PALB2: variants seen among roughly 807,000 people sequenced by gnomAD.
PALB2 encodes mutant partner and localizer of BRCA2.
Under a neutral mutation model 107.4 loss-of-function variants are expected in PALB2, and 82 were observed. The ratio of observed to expected loss-of-function variants is 0.76; its 90% CI spans 0.64 to 0.92. PALB2 has a LOEUF of 0.92. Among genes scored for constraint, PALB2 ranks in the 40% least tolerant of loss-of-function variants. The probability of loss-of-function intolerance (pLI) is 0.00; values close to 1 mark genes in which losing one functional copy is unlikely to be tolerated. For synonymous variants in PALB2, 489 were observed against 496.8 expected (o/e 0.98, Z 0.21); for missense variants, 1,374 against 1,379.9 (o/e 1.00, Z 0.07).
At position 23,635,471 on chromosome 16, in the gene PALB2, T is replaced by C; in HGVS notation, c.1075A>G (p.Ser359Gly). The C allele has an allele frequency of 6.2e-7, 1 of 1,614,156 alleles. No individual in the cohort carries two copies. The highest frequency in any genetic ancestry group is 2.2e-5 in the East Asian group (1 of 44,882). ...NQTEKSLKSPSDTLDGRNENL... is the reference protein window; with the variant it reads ...NQTEKSLKSPGDTLDGRNENL... The stretch of plus-strand genomic sequence containing the variant: ...TCATTCCTGCCATCAAGAGTGTCAC[T>C]GGGAGATTTTAAAGATTTCTCTGTT... The change falls in exon 4 of 13, where the codon AGT becomes GGT. Residue 359 changes from serine (S) to glycine (G), a missense_variant. Ser to Gly is a moderately conservative substitution (Grantham distance 56). Coordinates refer to ENST00000261584, the MANE Select transcript of PALB2 (RefSeq NM_024675.4).
chr16:23,635,653 ACAGT>A lies in PALB2; in HGVS notation c.889_892del (p.Thr297SerfsTer8). On this transcript the variant is annotated frameshift_variant, in exon 4 of 13. Transcript: ENST00000261584. LOFTEE classifies it high-confidence loss of function. ...ATTTACAAGGAGGTTATCTGTAGAG[ACAGT>A]CATTTTTTTGCCTTGTGCCTCCAAA... 1 of 1,614,060 alleles carries A rather than the reference ACAGT, an allele frequency of 6.2e-7. No homozygotes were observed. The highest frequency in any genetic ancestry group is 8.5e-7 in the Non-Finnish European group (1 of 1,179,944).
At chr16:23,615,598 C>CCT (rs1567210518) in intron 10 of PALB2, among the ~76,000 whole-genome samples, 1 of 152,158 alleles carries the variant, frequency 6.6e-6, no homozygotes. Flanking sequence ...AGAGACTGCA[C>CCT]CTGGTTCATG....
rs551167676 is a variant in PALB2, at chr16:23,620,302, T to C, written c.3113+1060A>G. Reference sequence around the variant, plus strand: ...AGAATTTAGGGTTCTTTTTTTTATTTTTTGCTCTCTCCTTTTTAGGACTTT... The same window carrying C: ...AGAATTTAGGGTTCTTTTTTTTATTCTTTGCTCTCTCCTTTTTAGGACTTT... On this transcript the variant is annotated intron_variant, in intron 10 of 12. Coordinates refer to ENST00000261584, the MANE Select transcript of PALB2 (RefSeq NM_024675.4). Among the ~76,000 whole-genome samples the C allele has an allele frequency of 2.2e-4, 34 of 152,276 alleles. 1 individual carries two copies. In the South Asian group the frequency reaches 6.6e-3, roughly 30 times the overall value.
rs10525601 is a variant in PALB2 at position 23,608,801 on chromosome 16, T to TACACACACACACAC, written c.3202-803_3202-790dup. On this transcript the variant is annotated intron_variant, in intron 11 of 12. Coordinates refer to ENST00000261584, the MANE Select transcript of PALB2 (RefSeq NM_024675.4). Reference sequence around the variant, plus strand: ...ATATTACTGTATGTGTGTATATATATACACACACACACACACACACACATA... The same window carrying TACACACACACACAC: ...ATATTACTGTATGTGTGTATATATATACACACACACACACACACACACACACACACACACACATA... Among the ~76,000 whole-genome samples the TACACACACACACAC allele has an allele frequency of 5.3e-3, 758 of 143,798 alleles. 10 individuals carry two copies. The highest frequency in any genetic ancestry group is 0.019 in the African/African-American group (718 of 37,922). The allele number at this position is 143,798 out of a possible 152,430, so 94.3% of individuals were successfully genotyped here. A position where few individuals can be genotyped will look rare whatever the true frequency, so the allele number is the denominator to read the frequency against.
intron 12 of PALB2, among the ~76,000 whole-genome samples, chr16:23,604,825 G>T (rs900890962): frequency 6.6e-6 from 1 of 151,890 alleles, no homozygotes; most frequent in Admixed American, 6.6e-5. Flanking sequence ...GGTAATCCCA[G>T]AACTTTGGGA....
rs1555461425 is a variant in PALB2 at position 23,635,377 on chromosome 16, G to A, written c.1169C>T (p.Ser390Phe). 4 of 1,613,876 alleles carry A rather than the reference G, an allele frequency of 2.5e-6. No homozygotes were observed. The highest frequency in any genetic ancestry group is 3.4e-6 in the Non-Finnish European group (4 of 1,180,028). Residue 390 changes from serine (S) to phenylalanine (F), a missense_variant, in exon 4 of 13, where the codon TCT (serine) becomes TTT (phenylalanine). Physicochemically the swap from Ser to Phe is radical, Grantham distance 155. Coordinates refer to ENST00000261584, the MANE Select transcript of PALB2 (RefSeq NM_024675.4). Reference protein sequence around the residue: ...SLSLEATSPLSAEKHSCTVPE... With the variant: ...SLSLEATSPLFAEKHSCTVPE... The stretch of plus-strand genomic sequence containing the variant: ...CACTGTGCAAGAATGTTTTTCTGCA[G>A]AAAGAGGAGAGGTTGCTTCCAGGCT...
chr16:23,626,207 A>T, intron 7 of PALB2, 29 bp downstream of exon 7: 1 of 1,614,018 alleles, frequency 6.2e-7, no homozygotes, highest in Non-Finnish European at 8.5e-7. Flanking sequence ...GGCTGCAAAG[A>T]TCTCTTTCAG....
chr16:23,639,413 G>A (rs1310889141), intron 1 of PALB2, among the ~76,000 whole-genome samples: 1 of 151,290 alleles, frequency 6.6e-6, no homozygotes, highest in African/African-American at 2.4e-5. Context: ...GGTGCCTGTA[G>A]GAGGCTGAAG....
At position 23,603,427 on chromosome 16, in the gene PALB2, T is replaced by G. The variant is rs754693125; in HGVS notation, c.*32A>C. 2 of 1,554,978 alleles carry G rather than the reference T, an allele frequency of 1.3e-6. No homozygotes were observed. Among genetic ancestry groups the G allele is most frequent in the East Asian group, 4.5e-5 (2 of 44,556 alleles). On this transcript the variant is annotated 3_prime_UTR_variant, in exon 13 of 13. Transcript: ENST00000261584. ...AAAAAATACTAAGAGGCCCAATATA[T>G]CCAGAAAATTGTGTTTTCACTTTAC...
chr16:23,625,616 A>G (rs146256532), intron 7 of PALB2, among the ~76,000 whole-genome samples: 5,049 of 152,002 alleles, frequency 0.033, 116 homozygotes, highest in Middle Eastern at 0.088. Flanking sequence ...GCAACATGGC[A>G]AAATCCCGTC....
At chr16:23,614,729 C>A (rs910195526) in intron 10 of PALB2, among the ~76,000 whole-genome samples, 1 of 142,536 alleles carries the variant, frequency 7.0e-6, no homozygotes, top group African/African-American at 2.6e-5. Flanking sequence ...CGGCTCACTG[C>A]AAGCTCCGCC....
At chr16:23,621,325 C>T (rs2142325563) in intron 10 of PALB2, 37 bp downstream of exon 10, 1 of 1,293,750 alleles carries the variant, frequency 7.7e-7, no homozygotes, top group Non-Finnish European at 1.1e-6. Flanking sequence ...CCTCATACTA[C>T]AGATGAGGGA....
rs2142357428 is a variant in PALB2 at position 23,626,455 on chromosome 16, C to T, written c.2587-58G>A. The T allele has an allele frequency of 1.9e-6, 3 of 1,575,544 alleles. No individual in the cohort carries two copies. In the South Asian group the frequency reaches 3.3e-5, roughly 17 times the overall value. ...CACTCGAGTGCTGTTTTATGCAAAG[C>T]ATAAGTATGCAAAGTGATGAATTAT... On this transcript the variant is annotated intron_variant, in intron 6 of 12. Transcript: ENST00000261584.
chr16:23,639,683 G>C (rs1475995049), intron 1 of PALB2, among the ~76,000 whole-genome samples: 1 of 151,308 alleles, frequency 6.6e-6, no homozygotes, highest in Non-Finnish European at 1.5e-5. Flanking sequence ...AGCCCGGCGT[G>C]GTGTTGGGCG....
At position 23,629,262 on chromosome 16, in the gene PALB2, T is replaced by C; in HGVS notation, c.2528A>G (p.Glu843Gly). The change falls in exon 6 of 13, where the codon GAG (glutamate) becomes GGG (glycine). Residue 843 changes from glutamate to glycine, a missense_variant. Glu to Gly is a moderately conservative substitution (Grantham distance 98, BLOSUM62 -2). Coordinates refer to ENST00000261584, the MANE Select transcript of PALB2 (RefSeq NM_024675.4). ...GTTTATGCTATCAGAAGCAGGAAGCTCTGCTGTTTCAGTCTGTGAAAACAA... is the reference window on the plus strand; with the variant it reads ...GTTTATGCTATCAGAAGCAGGAAGCCCTGCTGTTTCAGTCTGTGAAAACAA... ...KHSVEQTETA[E>G]LPASDSINPG... 6.2e-7 allele frequency: 1 copy of C among 1,613,592 alleles called. No individual in the cohort carries two copies.
rs1255747728 is a variant in PALB2 at position 23,637,635 on chromosome 16, T to C, written c.211+215A>G. 3.3e-5 allele frequency among the ~76,000 whole-genome samples: 5 copies of C among 152,106 alleles called. No homozygotes were observed. In the East Asian group the frequency reaches 7.7e-4, roughly 24 times the overall value. ...CACGAGAATCACTTGAGCCTGGGAG[T>C]TGGAGGTTGTAGTGAGCCAAGATTG... On this transcript the variant is annotated intron_variant, in intron 3 of 12. Transcript: ENST00000261584.
intron 7 of PALB2, among the ~76,000 whole-genome samples, chr16:23,624,519 A>AT (rs1000255417): frequency 6.7e-5 from 10 of 149,572 alleles, no homozygotes; most frequent in Non-Finnish European, 1.0e-4. Context: ...GAACAAGGAA[A>AT]TTTTTTTTTT....
intron 10 of PALB2, 41 bp from the exon 11 acceptor site, chr16:23,614,132 A>G (rs771763503): frequency 7.1e-7 from 1 of 1,409,764 alleles, no homozygotes; most frequent in Non-Finnish European, 1.0e-6. Context: ...CATTCTTCCA[A>G]CAAACCAGTT....
rs995629797 is a variant in PALB2, at chr16:23,626,254, A to T, written c.2730T>A (p.Tyr910Ter). Residue 910 changes from tyrosine to a stop codon, truncating the protein, a stop_gained, in exon 7 of 13, where the codon TAT becomes TAA. Transcript: ENST00000261584. LOFTEE classifies it high-confidence loss of function. ...CACTTACCTCTGCGAAGTGCCAGGTATAAAGTTTTTCCCACTGCCAAGCAT... is the reference window on the plus strand; with the variant it reads ...CACTTACCTCTGCGAAGTGCCAGGTTTAAAGTTTTTCCCACTGCCAAGCAT... ...ALDAWQWEKL[Y>*]TWHFAEVPVL... 2.5e-6 allele frequency: 4 copies of T among 1,614,068 alleles called. No homozygotes were observed. In the African/African-American group the frequency reaches 5.3e-5, roughly 22 times the overall value.
Sources: allele counts gnomAD v4.1 joint callset (sites outside exome capture counted in the v4.1 genomes callset), GRCh38; gene constraint gnomAD v4.1.1; transcripts MANE v1.5; gene names NCBI Gene and HGNC (gene_info 2026-07-23, HGNC 2026-07-21).